The following CDH8 variants were observed in gnomAD, a reference collection of about 807,000 sequenced individuals.
CDH8 encodes cadherin 8.
CDH8 carries 17 observed loss-of-function variants against 68.1 expected under a neutral mutation model. That is an observed-to-expected ratio of 0.25 (90% confidence interval 0.17 to 0.37). CDH8 has a LOEUF of 0.37. Ranked by LOEUF, CDH8 falls within the 10% of genes least tolerant of loss-of-function variation. The probability of loss-of-function intolerance (pLI) is 1.00; values close to 1 mark genes in which losing one functional copy is unlikely to be tolerated. For missense variants in CDH8, 763 were observed against 999.3 expected (o/e 0.76, Z 3.19); for synonymous variants, 372 against 365.1 (o/e 1.02, Z -0.21).
At chr16:61,687,728 G>C (rs772976194) in intron 10 of CDH8, among the ~76,000 whole-genome samples, 6 of 151,930 alleles carry the variant, frequency 3.9e-5, no homozygotes, top group Non-Finnish European at 8.8e-5. Flanking sequence ...TATCCACTAA[G>C]TGCCCTGGGC....
At chr16:61,666,477 T>C (rs1427638979) in intron 10 of CDH8, among the ~76,000 whole-genome samples, 1 of 152,032 alleles carries the variant, frequency 6.6e-6, no homozygotes, top group Non-Finnish European at 1.5e-5. Context: ...AAATGTTACT[T>C]TGGACTAGAT....
At chr16:61,684,688 C>A (rs1251694005) in intron 10 of CDH8, among the ~76,000 whole-genome samples, 1 of 151,922 alleles carries the variant, frequency 6.6e-6, no homozygotes. Flanking sequence ...CGCTGTACTG[C>A]AGGAGGTGCT....
At position 61,653,918 on chromosome 16, in the gene CDH8, C is replaced by A. The variant is rs766629695; in HGVS notation, c.2090G>T (p.Arg697Leu). 1 of 1,614,176 alleles carries A rather than the reference C, an allele frequency of 6.2e-7. No homozygotes were observed. Among genetic ancestry groups the A allele is most frequent in the Non-Finnish European group, 8.5e-7 (1 of 1,180,036 alleles). ...NPDGINGFLP[R>L]KDIKPDLQFM... is the part of the protein sequence containing the mutation. ...CTGCAAATCTGGTTTAATATCCTTA[C>A]GGGGTAAAAATCCATTAATTCCATC... The change falls in exon 12 of 12, where the codon CGT becomes CTT. Residue 697 changes from arginine (R) to leucine (L), a missense_variant. Coordinates refer to ENST00000577390, the MANE Select transcript of CDH8 (RefSeq NM_001796.5).
intron 2 of CDH8, among the ~76,000 whole-genome samples, chr16:61,995,035 T>C (rs1965786424): frequency 6.6e-6 from 1 of 152,152 alleles, no homozygotes; most frequent in Admixed American, 6.5e-5. Context: ...TGAACCAAAT[T>C]GCAAACAGGT....
rs578120568 is a variant in CDH8, at chr16:61,980,978, G to A, written c.252+40174C>T. ...TAAACAAGTTGCTTCAGTCTCCGGT[G>A]GCTCAACTCATCTATACAGAAAATA... On this transcript the variant is annotated intron_variant, in intron 2 of 11. Transcript: ENST00000577390. Among the ~76,000 whole-genome samples the A allele has an allele frequency of 3.9e-5, 6 of 152,096 alleles. No individual in the cohort carries two copies. In the South Asian group the frequency reaches 1.2e-3, roughly 32 times the overall value.
intron 4 of CDH8, among the ~76,000 whole-genome samples, chr16:61,845,986 C>G (rs1447346574): frequency 6.6e-6 from 1 of 152,078 alleles, no homozygotes; most frequent in African/African-American, 2.4e-5. Context: ...CAGATCGGTA[C>G]TTAAACTCAA....
At chr16:61,773,161 A>G (rs1475245459) in intron 8 of CDH8, among the ~76,000 whole-genome samples, 1 of 151,928 alleles carries the variant, frequency 6.6e-6, no homozygotes, top group Non-Finnish European at 1.5e-5. Flanking sequence ...TGATAAAGCC[A>G]TTTTCTAATT....
intron 10 of CDH8, among the ~76,000 whole-genome samples, chr16:61,697,690 G>A (rs750502142): frequency 9.2e-5 from 14 of 152,020 alleles, no homozygotes; most frequent in Non-Finnish European, 1.3e-4. Context: ...TAATAGAGAC[G>A]GGTTGGACCA....
chr16:61,666,174 T>C (rs1240761492), intron 10 of CDH8, among the ~76,000 whole-genome samples: 1 of 130,316 alleles, frequency 7.7e-6, no homozygotes, highest in Admixed American at 7.6e-5. Flanking sequence ...ACACAGCACA[T>C]ACTCTGTGTG....
At chr16:61,796,015 T>C (rs983423261) in intron 7 of CDH8, among the ~76,000 whole-genome samples, 1 of 152,088 alleles carries the variant, frequency 6.6e-6, no homozygotes, top group African/African-American at 2.4e-5. Context: ...GTTTGATTCA[T>C]ATAGCATCAC....
chr16:61,942,766 G>A (rs1196188872), intron 2 of CDH8, among the ~76,000 whole-genome samples: 1 of 152,044 alleles, frequency 6.6e-6, no homozygotes, highest in Non-Finnish European at 1.5e-5. Context: ...CATGCACAGG[G>A]TAGCTTTGAA....
At chr16:61,841,811 A>T (rs1156606753) in intron 4 of CDH8, among the ~76,000 whole-genome samples, 1 of 152,126 alleles carries the variant, frequency 6.6e-6, no homozygotes, top group Non-Finnish European at 1.5e-5. Context: ...TACCCATGAA[A>T]TTTTAAATAA....
At chr16:61,774,030 C>A (rs1442362578) in intron 8 of CDH8, among the ~76,000 whole-genome samples, 1 of 151,968 alleles carries the variant, frequency 6.6e-6, no homozygotes, top group Non-Finnish European at 1.5e-5. Context: ...GGAATTGGTG[C>A]CTATTTTTAG....
intron 2 of CDH8, among the ~76,000 whole-genome samples, chr16:61,987,505 T>G (rs890755103): frequency 1.3e-5 from 2 of 151,972 alleles, no homozygotes; most frequent in Admixed American, 1.3e-4. Context: ...TGACTCTGTC[T>G]CAAAAAACAA....
In CDH8 at chr16:61,653,551, A is replaced by T; in HGVS notation, c.*57T>A. ...AGCCACATTGGTTGTATCTAAGGGG[A>T]GTGACCCTAGAATATTACAGAATGC... On this transcript the variant is annotated 3_prime_UTR_variant, in exon 12 of 12. Transcript: ENST00000577390. 6.5e-7 allele frequency: 1 copy of T among 1,531,536 alleles called. No homozygotes were observed. Among genetic ancestry groups the T allele is most frequent in the Non-Finnish European group, 8.8e-7 (1 of 1,141,558 alleles). The allele number at this position is 1,531,536 out of a possible 1,614,324, so 94.9% of individuals were successfully genotyped here. A position where few individuals can be genotyped will look rare whatever the true frequency, so the allele number is the denominator to read the frequency against.
intron 2 of CDH8, among the ~76,000 whole-genome samples, chr16:61,984,273 T>C (rs1965590913): frequency 6.6e-6 from 1 of 152,180 alleles, no homozygotes; most frequent in Non-Finnish European, 1.5e-5. Context: ...TCATTAAACC[T>C]AATTAATTCC....
chr16:61,874,183 C>T (rs924451665), intron 3 of CDH8, among the ~76,000 whole-genome samples: 10 of 151,782 alleles, frequency 6.6e-5, no homozygotes, highest in African/African-American at 2.4e-4. Flanking sequence ...TATGTACCCA[C>T]AAAAAATTTT....
At chr16:61,871,129 A>AACACACAC (rs569789394) in intron 3 of CDH8, among the ~76,000 whole-genome samples, 4 of 150,034 alleles carry the variant, frequency 2.7e-5, no homozygotes, top group African/African-American at 9.8e-5. Flanking sequence ...CAGCCAGGAA[A>AACACACAC]ACACACACAC....
rs150839922 is a variant in CDH8 at position 61,929,731 on chromosome 16, AT to A, written c.253-28259del. On this transcript the variant is annotated intron_variant, in intron 2 of 11. Transcript: ENST00000577390. ...AGCTGACCCCATCTCCACAAAAAAA[AT>A]TAAAAATTTTAGCCACACGTGGTGG... is the stretch of plus-strand genomic sequence containing the variant. Among the ~76,000 whole-genome samples the A allele has an allele frequency of 8.6e-3, 1,314 of 152,170 alleles. 27 individuals carry two copies. Among genetic ancestry groups the A allele is most frequent in the African/African-American group, 0.03 (1,230 of 41,494 alleles).
Sources: allele counts gnomAD v4.1 joint callset (sites outside exome capture counted in the v4.1 genomes callset), GRCh38; gene constraint gnomAD v4.1.1; transcripts MANE v1.5; gene names NCBI Gene and HGNC (gene_info 2026-07-23, HGNC 2026-07-21).